The following VWA3B variants were observed in gnomAD, a reference collection of about 807,000 sequenced individuals.
The protein encoded by VWA3B is von Willebrand factor A domain-containing protein 3B.
VWA3B carries 138 observed loss-of-function variants against 158.3 expected under a neutral mutation model. The ratio of observed to expected loss-of-function variants is 0.87; its 90% CI spans 0.76 to 1.00. The LOEUF is 1.00. Among genes scored for constraint, VWA3B ranks in the 50% least tolerant of loss-of-function variants. The pLI is 0.00. For synonymous variants in VWA3B, 596 were observed against 587.3 expected (o/e 1.01, Z -0.21); for missense variants, 1,555 against 1,565.1 (o/e 0.99, Z 0.11).
intron 15 of VWA3B, among the ~76,000 whole-genome samples, chr2:98,229,568 T>A (rs557789662): frequency 6.6e-6 from 1 of 152,222 alleles, no homozygotes; most frequent in Non-Finnish European, 1.5e-5. Context: ...GGTGCTGGCA[T>A]GGGAGGTCCA....
At chr2:98,124,324 G>C (rs1056562548) in intron 5 of VWA3B, among the ~76,000 whole-genome samples, 15 of 152,226 alleles carry the variant, frequency 9.9e-5, no homozygotes, top group Non-Finnish European at 2.1e-4. Flanking sequence ...TGGGTTTTGT[G>C]ACTTGAAGTG....
chr2:98,175,170 A>G (rs1466516911), intron 8 of VWA3B, among the ~76,000 whole-genome samples: 22 of 152,232 alleles, frequency 1.4e-4, no homozygotes, highest in Admixed American at 1.0e-3. Context: ...AGCAATCCAT[A>G]GGAACTGTCC....
intron 7 of VWA3B, among the ~76,000 whole-genome samples, chr2:98,136,852 T>A (rs1325687312): frequency 1.3e-5 from 2 of 152,232 alleles, no homozygotes; most frequent in African/African-American, 4.8e-5. Context: ...GTCTCCTTTC[T>A]GAATTTGACT....
intron 20 of VWA3B, among the ~76,000 whole-genome samples, chr2:98,252,854 T>C (rs1238980617): frequency 6.6e-6 from 1 of 152,158 alleles, no homozygotes; most frequent in Admixed American, 6.5e-5. Flanking sequence ...TTACTTTCAG[T>C]GAGTGAATCT....
intron 7 of VWA3B, among the ~76,000 whole-genome samples, chr2:98,139,427 C>A (rs1676563417): frequency 6.6e-6 from 1 of 152,378 alleles, no homozygotes; most frequent in East Asian, 1.9e-4. Flanking sequence ...CACCTGAAGC[C>A]CCTGTGTGGG....
intron 22 of VWA3B, among the ~76,000 whole-genome samples, chr2:98,276,837 C>T (rs1295144315): frequency 3.9e-5 from 6 of 152,202 alleles, no homozygotes; most frequent in Admixed American, 6.5e-5. Flanking sequence ...TCTGGATGAC[C>T]GGGGCTTTCT....
chr2:98,239,414 A>C lies in VWA3B; in HGVS notation c.2673+2684A>C, dbSNP rs559351475. Reference sequence around the variant, plus strand: ...AAAATCAGAATATATAGTGTGTTAGAAACTTGGTTGTTCATGTGACTGATT... The same window carrying C: ...AAAATCAGAATATATAGTGTGTTAGCAACTTGGTTGTTCATGTGACTGATT... On this transcript the variant is annotated intron_variant, in intron 19 of 27. Coordinates refer to ENST00000477737, the MANE Select transcript of VWA3B (RefSeq NM_144992.5). 7.9e-5 allele frequency among the ~76,000 whole-genome samples: 12 copies of C among 152,286 alleles called. No individual in the cohort carries two copies. In the South Asian group the frequency reaches 2.5e-3, roughly 32 times the overall value.
intron 22 of VWA3B, among the ~76,000 whole-genome samples, chr2:98,275,125 G>T (rs1574256498): frequency 6.6e-6 from 1 of 152,328 alleles, no homozygotes. Context: ...CTGAAATAAG[G>T]GTGGGACTTG....
intron 7 of VWA3B, among the ~76,000 whole-genome samples, chr2:98,157,122 G>A (rs1028140523): frequency 6.6e-6 from 1 of 152,202 alleles, no homozygotes; most frequent in African/African-American, 2.4e-5. Context: ...AAGAGACGGA[G>A]AGGGCCCAGA....
chr2:98,298,576 G>A (rs948411931), intron 24 of VWA3B, among the ~76,000 whole-genome samples: 4 of 152,168 alleles, frequency 2.6e-5, no homozygotes, highest in Non-Finnish European at 4.4e-5. Context: ...CGGTGATACC[G>A]TAATGCACAG....
chr2:98,246,481 G>A (rs567193287), intron 19 of VWA3B, among the ~76,000 whole-genome samples: 5 of 152,154 alleles, frequency 3.3e-5, no homozygotes, highest in East Asian at 3.9e-4. Flanking sequence ...GAGTTCAAGC[G>A]ATTCTCTTGC....
chr2:98,190,068 G>A (rs542398007), intron 10 of VWA3B, among the ~76,000 whole-genome samples: 5 of 152,000 alleles, frequency 3.3e-5, no homozygotes, highest in Non-Finnish European at 7.4e-5. Context: ...TTATTGATTT[G>A]ATTGGATTTA....
intron 22 of VWA3B, among the ~76,000 whole-genome samples, chr2:98,271,616 A>C (rs1688205760): frequency 6.6e-6 from 1 of 152,150 alleles, no homozygotes; most frequent in Non-Finnish European, 1.5e-5. Context: ...CCATGGTGTG[A>C]GTATACCCTG....
At chr2:98,118,082 A>G (rs1212257117) in intron 3 of VWA3B, among the ~76,000 whole-genome samples, 4 of 152,222 alleles carry the variant, frequency 2.6e-5, no homozygotes, top group Non-Finnish European at 5.9e-5. Flanking sequence ...AAGCAATACT[A>G]TCTGTGGAAT....
chr2:98,210,086 T>C (rs1299352835), intron 12 of VWA3B, among the ~76,000 whole-genome samples: 3 of 152,192 alleles, frequency 2.0e-5, no homozygotes, highest in East Asian at 3.9e-4. Context: ...ACAGGAAATA[T>C]AAGCCCTTAG....
intron 2 of VWA3B, among the ~76,000 whole-genome samples, chr2:98,115,187 T>C (rs939075019): frequency 6.6e-6 from 1 of 152,080 alleles, no homozygotes; most frequent in Non-Finnish European, 1.5e-5. Context: ...TCTTCCTGTT[T>C]ATTCATGCAT....
intron 12 of VWA3B, among the ~76,000 whole-genome samples, chr2:98,204,045 G>A (rs577448966): frequency 1.3e-5 from 2 of 152,198 alleles, no homozygotes; most frequent in Non-Finnish European, 2.9e-5. Flanking sequence ...GATTGTATAG[G>A]TTATGTGCAA....
At chr2:98,305,348 G>C (rs763947467) in intron 26 of VWA3B, among the ~76,000 whole-genome samples, 12 of 152,188 alleles carry the variant, frequency 7.9e-5, no homozygotes, top group East Asian at 1.9e-4. Flanking sequence ...GTGCAGCCAT[G>C]ATGGGTAACT....
chr2:98,217,978 C>A lies in VWA3B; in HGVS notation c.1969C>A (p.His657Asn), dbSNP rs201374272. 14 of 1,612,856 alleles carry A rather than the reference C, an allele frequency of 8.7e-6. No individual in the cohort carries two copies. The Admixed American group carries it at 2.3e-4, about 27-fold the overall frequency. Residue 657 changes from histidine (H) to asparagine (N), a missense_variant, in exon 14 of 28, where the codon CAT becomes AAT. Coordinates refer to ENST00000477737, the MANE Select transcript of VWA3B (RefSeq NM_144992.5). ...EVAALTGGEF[H>N]FYNFGCKDPT... ...TGCTGCTTTGACTGGAGGAGAGTTCCATTTTTATAATTTTGGTTGCAAGGA... is the reference window on the plus strand; with the variant it reads ...TGCTGCTTTGACTGGAGGAGAGTTCAATTTTTATAATTTTGGTTGCAAGGA...
Sources: gnomAD v4.1 joint callset for allele counts (sites outside exome capture counted in the v4.1 genomes callset) on GRCh38, gnomAD v4.1.1 for gene constraint, MANE v1.5 for transcripts, NCBI Gene and HGNC (gene_info 2026-07-23, HGNC 2026-07-21) for gene names.